RFX3: variants seen among roughly 807,000 people sequenced by gnomAD.
RFX3 encodes transcription factor RFX3.
In RFX3, 14 loss-of-function variants were observed where a neutral mutation model predicts 98.6. The observed-to-expected ratio is 0.14, with a 90% CI of 0.09 to 0.22. RFX3 has a LOEUF of 0.22. Ranked by LOEUF, RFX3 falls within the 10% of genes least tolerant of loss-of-function variation. The pLI is 1.00. For missense variants in RFX3, 639 were observed against 926.9 expected, an observed-to-expected ratio of 0.69 and a Z score of 4.03; for synonymous variants, 383 against 328.4, an observed-to-expected ratio of 1.17 and a Z score of -1.80.
At chr9:3,426,253 G>T (rs1447824131) in intron 1 of RFX3, among the ~76,000 whole-genome samples, 4 of 151,084 alleles carry the variant, frequency 2.6e-5, no homozygotes, top group African/African-American at 9.7e-5. Context: ...GGTACACAGT[G>T]ATGTTTCAAT....
intron 1 of RFX3, chr9:3,400,227 T>G (rs996275955): frequency 2.0e-6 from 2 of 982,586 alleles, no homozygotes; most frequent in East Asian, 1.1e-4. Flanking sequence ...GGCAAACTGA[T>G]GAATTTTTAG....
intron 1 of RFX3, among the ~76,000 whole-genome samples, chr9:3,519,847 A>C (rs1033112562): frequency 6.6e-6 from 1 of 152,204 alleles, no homozygotes; most frequent in Non-Finnish European, 1.5e-5. Context: ...AAAAACTACA[A>C]ATATAAAGAT....
intron 2 of RFX3, among the ~76,000 whole-genome samples, chr9:3,366,291 G>T (rs941714227): frequency 6.6e-6 from 1 of 152,134 alleles, no homozygotes; most frequent in Admixed American, 6.5e-5. Flanking sequence ...ACCTAGGTGA[G>T]ATATGTGTGT....
chr9:3,407,772 T>A (rs545943850), intron 1 of RFX3, among the ~76,000 whole-genome samples: 2 of 152,302 alleles, frequency 1.3e-5, no homozygotes, highest in East Asian at 3.9e-4. Context: ...TAATTTCATT[T>A]CCAGCAATGC....
chr9:3,374,469 C>G (rs1838225550), intron 2 of RFX3, among the ~76,000 whole-genome samples: 1 of 151,948 alleles, frequency 6.6e-6, no homozygotes, highest in Non-Finnish European at 1.5e-5. Context: ...ACCCAAGTAT[C>G]CAAGGGAAGA....
intron 1 of RFX3, among the ~76,000 whole-genome samples, chr9:3,469,467 C>G (rs1041413233): frequency 6.6e-6 from 1 of 152,076 alleles, no homozygotes; most frequent in Non-Finnish European, 1.5e-5. Flanking sequence ...AATATATAAA[C>G]TACGAAATCT....
intron 1 of RFX3, among the ~76,000 whole-genome samples, chr9:3,456,218 G>A (rs1315124269): frequency 6.6e-6 from 1 of 152,198 alleles, no homozygotes; most frequent in Non-Finnish European, 1.5e-5. Context: ...CACTTTTGGA[G>A]GAGACACATT....
intron 6 of RFX3, among the ~76,000 whole-genome samples, chr9:3,290,712 G>C (rs1356755536): frequency 1.3e-5 from 2 of 152,144 alleles, no homozygotes; most frequent in African/African-American, 2.4e-5. Context: ...ATTTATGAGA[G>C]AGCTAAACCT....
intron 13 of RFX3, among the ~76,000 whole-genome samples, chr9:3,260,018 G>A (rs985064869): frequency 6.6e-6 from 1 of 151,942 alleles, no homozygotes; most frequent in South Asian, 2.1e-4. Context: ...TGGGAGGCAA[G>A]GGACTCTGGG....
intron 1 of RFX3, among the ~76,000 whole-genome samples, chr9:3,508,653 T>C (rs976158970): frequency 2.0e-5 from 3 of 151,918 alleles, no homozygotes; most frequent in Non-Finnish European, 4.4e-5. Flanking sequence ...AAGGGAACAG[T>C]TTTACAAGAA....
At chr9:3,237,892 G>C (rs527342329) in intron 15 of RFX3, among the ~76,000 whole-genome samples, 2 of 151,642 alleles carry the variant, frequency 1.3e-5, no homozygotes, top group African/African-American at 2.4e-5. Flanking sequence ...TCCCACGCCT[G>C]AGCCCATGAG....
intron 3 of RFX3, among the ~76,000 whole-genome samples, chr9:3,341,982 T>C (rs569434240): frequency 5.3e-5 from 8 of 152,320 alleles, no homozygotes; most frequent in African/African-American, 1.9e-4. Context: ...ATTCCACTTA[T>C]AGAGGAAGAA....
At chr9:3,241,365 G>C (rs1470260501) in intron 15 of RFX3, among the ~76,000 whole-genome samples, 1 of 152,024 alleles carries the variant, frequency 6.6e-6, no homozygotes, top group Non-Finnish European at 1.5e-5. Flanking sequence ...ATTATGTTTA[G>C]ATCACAGTTA....
At chr9:3,402,858 T>C (rs1841601221) in intron 1 of RFX3, among the ~76,000 whole-genome samples, 1 of 151,848 alleles carries the variant, frequency 6.6e-6, no homozygotes, top group Non-Finnish European at 1.5e-5. Context: ...GTACAAAATG[T>C]ACACAATTCC....
At chr9:3,405,380 T>C (rs191933520) in intron 1 of RFX3, among the ~76,000 whole-genome samples, 54 of 152,350 alleles carry the variant, frequency 3.5e-4, no homozygotes, top group Admixed American at 2.9e-3. Context: ...CTTCCTTCTA[T>C]TGAGCTACAG....
chr9:3,486,874 C>A (rs942541968), intron 1 of RFX3, among the ~76,000 whole-genome samples: 6 of 151,992 alleles, frequency 3.9e-5, no homozygotes, highest in African/African-American at 1.5e-4. Flanking sequence ...TAGACTGTTA[C>A]AATAAGATTT....
chr9:3,306,016 G>A (rs1415500414), intron 4 of RFX3, among the ~76,000 whole-genome samples: 1 of 151,932 alleles, frequency 6.6e-6, no homozygotes, highest in African/African-American at 2.4e-5. Flanking sequence ...TCATTCATTA[G>A]GAAAAATTTA....
At chr9:3,337,622 A>G (rs1833343120) in intron 3 of RFX3, among the ~76,000 whole-genome samples, 1 of 152,160 alleles carries the variant, frequency 6.6e-6, no homozygotes, top group African/African-American at 2.4e-5. Context: ...AATGGCAGAC[A>G]GTCTTTGGGA....
At chr9:3,326,535 T>G (rs1375628326) in intron 4 of RFX3, among the ~76,000 whole-genome samples, 1 of 152,178 alleles carries the variant, frequency 6.6e-6, no homozygotes, top group Non-Finnish European at 1.5e-5. Context: ...CCTCTATGTG[T>G]CCATGTATTC....
Sources: gnomAD v4.1 joint callset for allele counts (sites outside exome capture counted in the v4.1 genomes callset) on GRCh38, gnomAD v4.1.1 for gene constraint, MANE v1.5 for transcripts, NCBI Gene and HGNC (gene_info 2026-07-23, HGNC 2026-07-21) for gene names.